SEL1L3: variants seen among roughly 807,000 people sequenced by gnomAD.
SEL1L3 encodes the protein protein sel-1 homolog 3.
A neutral mutation model predicts 142.8 loss-of-function variants in SEL1L3; 76 were observed. That is an observed-to-expected ratio of 0.53 (90% CI 0.44 to 0.64). The LOEUF is 0.64. Ranked by LOEUF, SEL1L3 falls within the 30% of genes least tolerant of loss-of-function variation. The pLI is 0.00. For missense variants in SEL1L3, 1,262 were observed against 1,381.7 expected (o/e 0.91, Z 1.37); for synonymous variants, 504 against 519.6 (o/e 0.97, Z 0.41).
At chr4:25,738,186 G>A in the SEL1L3 span, among the ~76,000 whole-genome samples, 1 of 152,176 alleles carries the variant, frequency 6.6e-6, no homozygotes. Context: ...ACCACACCCA[G>A]CTTGCAATTT....
intron 23 of SEL1L3, among the ~76,000 whole-genome samples, chr4:25,752,701 G>T (rs1219606703): frequency 6.6e-6 from 1 of 152,182 alleles, no homozygotes; most frequent in Non-Finnish European, 1.5e-5. Flanking sequence ...GCTCTCTGCA[G>T]CCTCTGCCTC....
At position 25,818,064 on chromosome 4, in the gene SEL1L3, G is replaced by A. The variant is rs149368965; in HGVS notation, c.1564+74C>T. 4.1e-6 allele frequency: 6 copies of A among 1,466,270 alleles called. No individual in the cohort carries two copies. In the East Asian group the frequency reaches 9.4e-5, roughly 23 times the overall value. The allele number at this position is 1,466,270 out of a possible 1,614,324, so 90.8% of individuals were successfully genotyped here. A position where few individuals can be genotyped will look rare whatever the true frequency, so the allele number is the denominator to read the frequency against. ...TAACTTTAAGGCATAAATCACCAAA[G>A]AGGGTGAGTGAAACAGAGAAAAACA... On this transcript the variant is annotated intron_variant, in intron 9 of 23. Coordinates refer to ENST00000399878, the MANE Select transcript of SEL1L3 (RefSeq NM_015187.5).
upstream of SEL1L3, among the ~76,000 whole-genome samples, chr4:25,863,206 G>C (rs1250389743): frequency 1.1e-5 from 1 of 88,792 alleles, no homozygotes; most frequent in Non-Finnish European, 2.2e-5. Flanking sequence ...CCCCCGCCCG[G>C]GTCGCTGGGC....
At chr4:25,714,108 C>CA in the SEL1L3 span, among the ~76,000 whole-genome samples, 1 of 151,882 alleles carries the variant, frequency 6.6e-6, no homozygotes, top group East Asian at 1.9e-4. Context: ...TTTGCTCTTC[C>CA]AAAAAAATTT....
chr4:25,814,701 A>G (rs1714262314), intron 9 of SEL1L3, among the ~76,000 whole-genome samples: 1 of 151,952 alleles, frequency 6.6e-6, no homozygotes, highest in African/African-American at 2.4e-5. Flanking sequence ...ATAGCGTCAC[A>G]CTCGTCTTAC....
intron 17 of SEL1L3, among the ~76,000 whole-genome samples, chr4:25,774,761 C>T (rs1719487352): frequency 6.6e-6 from 1 of 152,202 alleles, no homozygotes; most frequent in Non-Finnish European, 1.5e-5. Context: ...AGGAGAATTG[C>T]TTGAACCCGG....
At chr4:25,731,677 T>G in the SEL1L3 span, among the ~76,000 whole-genome samples, 1 of 152,204 alleles carries the variant, frequency 6.6e-6, no homozygotes, top group African/African-American at 2.4e-5. Context: ...TCCTTCTTAT[T>G]GCTGAATAAT....
the SEL1L3 span, among the ~76,000 whole-genome samples, chr4:25,715,493 A>C: frequency 2.6e-5 from 4 of 152,058 alleles, no homozygotes; most frequent in Non-Finnish European, 5.9e-5. Flanking sequence ...AATTTTTACA[A>C]CCCCTATGGT....
intron 9 of SEL1L3, among the ~76,000 whole-genome samples, chr4:25,806,085 C>A (rs1027215168): frequency 6.9e-6 from 1 of 144,670 alleles, no homozygotes; most frequent in Admixed American, 7.3e-5. Flanking sequence ...GTCGCCCAGG[C>A]TGGAGTGCAG....
chr4:25,851,907 AG>A (rs200135224), intron 1 of SEL1L3, among the ~76,000 whole-genome samples: 170 of 150,322 alleles, frequency 1.1e-3, no homozygotes, highest in Middle Eastern at 3.4e-3. Context: ...AAAAAAAAAA[AG>A]GTCACAGTGG....
the SEL1L3 span, among the ~76,000 whole-genome samples, chr4:25,731,530 G>T: frequency 4.3e-4 from 65 of 152,104 alleles, no homozygotes; most frequent in African/African-American, 1.5e-3. Flanking sequence ...AGCAATCATT[G>T]GTCAGCTTTC....
the SEL1L3 span, among the ~76,000 whole-genome samples, chr4:25,730,298 T>C: frequency 6.6e-6 from 1 of 152,226 alleles, no homozygotes; most frequent in African/African-American, 2.4e-5. Context: ...CACTTGGGTG[T>C]GCATTTGGAA....
chr4:25,863,460 TCCCGCCC>T (rs1560370436), upstream of SEL1L3: 1 of 702,782 alleles, frequency 1.4e-6, no homozygotes, highest in Non-Finnish European at 2.6e-6. Context: ...ACAGACCAGT[TCCCGCCC>T]GTGCAATGGG....
In SEL1L3 at chr4:25,839,808, C is replaced by T. The variant is rs140529778; in HGVS notation, c.734-4485G>A. Among the ~76,000 whole-genome samples the T allele has an allele frequency of 3.5e-3, 459 of 132,376 alleles. 3 individuals are homozygous for T. Among genetic ancestry groups the T allele is most frequent in the African/African-American group, 9.5e-3 (385 of 40,724 alleles). The allele number at this position is 132,376 out of a possible 152,430, so 86.8% of individuals were successfully genotyped here. ...TGTACACGTATTACTTTTTCGTCTA[C>T]GAAAGAAAAGAACAAAAGCTCTGAG... is the stretch of plus-strand genomic sequence containing the variant. On this transcript the variant is annotated intron_variant, in intron 2 of 23. Transcript: ENST00000399878.
intron 20 of SEL1L3, among the ~76,000 whole-genome samples, chr4:25,762,083 G>C (rs949627899): frequency 2.0e-5 from 3 of 152,076 alleles, no homozygotes; most frequent in African/African-American, 7.2e-5. Flanking sequence ...CAAGTAACTG[G>C]GACTACTGGT....
intron 9 of SEL1L3, among the ~76,000 whole-genome samples, chr4:25,807,207 G>A (rs986374923): frequency 6.6e-6 from 1 of 151,990 alleles, no homozygotes; most frequent in Non-Finnish European, 1.5e-5. Flanking sequence ...TCCCTACCAG[G>A]CCTCTATTTT....
chr4:25,850,427 A>C (rs963553888), intron 1 of SEL1L3, among the ~76,000 whole-genome samples: 2 of 152,262 alleles, frequency 1.3e-5, no homozygotes, highest in Non-Finnish European at 2.9e-5. Flanking sequence ...AAGATCAAAA[A>C]GTCAGATAAC....
At chr4:25,853,724 T>G (rs967351524) in intron 1 of SEL1L3, among the ~76,000 whole-genome samples, 10 of 134,784 alleles carry the variant, frequency 7.4e-5, no homozygotes, top group Admixed American at 1.7e-4. Flanking sequence ...CAGGCTGGAG[T>G]GCAATAGGGC....
intron 20 of SEL1L3, among the ~76,000 whole-genome samples, chr4:25,761,039 C>T (rs1718339534): frequency 6.6e-6 from 1 of 152,124 alleles, no homozygotes; most frequent in African/African-American, 2.4e-5. Flanking sequence ...CCAAGAATAA[C>T]CTCTAAATAG....
Sources: allele counts gnomAD v4.1 joint callset (sites outside exome capture counted in the v4.1 genomes callset), GRCh38; gene constraint gnomAD v4.1.1; transcripts MANE v1.5; gene names NCBI Gene and HGNC (gene_info 2026-07-23, HGNC 2026-07-21).